The following ERBB4 variants were observed in gnomAD, a reference collection of about 807,000 sequenced individuals.
ERBB4 encodes erb-b2 receptor tyrosine kinase 4.
A neutral mutation model predicts 158.0 loss-of-function variants in ERBB4; 42 were observed. That is an observed-to-expected ratio of 0.27 (90% CI 0.21 to 0.34). The LOEUF (loss-of-function observed/expected upper bound fraction) is 0.34, where lower values mean the gene tolerates loss of function less well. Ranked by LOEUF, ERBB4 falls within the 10% of genes least tolerant of loss-of-function variation. The pLI, the probability that ERBB4 is intolerant of heterozygous loss-of-function variation, is 1.00. For missense variants in ERBB4, 1,333 were observed against 1,624.1 expected, an observed-to-expected ratio of 0.82 and a Z score of 3.08; for synonymous variants, 583 against 558.7, an observed-to-expected ratio of 1.04 and a Z score of -0.61.
At chr2:212,056,371 A>G (rs1276155897) in intron 2 of ERBB4, among the ~76,000 whole-genome samples, 1 of 152,260 alleles carries the variant, frequency 6.6e-6, no homozygotes, top group Non-Finnish European at 1.5e-5. Context: ...ATTATCCAGG[A>G]GAACTTCCCC....
At chr2:212,439,176 C>A (rs1257028182) in intron 1 of ERBB4, among the ~76,000 whole-genome samples, 4 of 152,052 alleles carry the variant, frequency 2.6e-5, no homozygotes, top group Non-Finnish European at 4.4e-5. Context: ...GAGATAGGCT[C>A]AAATTTACAG....
rs546554749 is a variant in ERBB4 at position 211,885,313 on chromosome 2, A to G, written c.421+62117T>C. Among the ~76,000 whole-genome samples the G allele has an allele frequency of 1.2e-4, 19 of 152,308 alleles. 1 individual carries two copies. Among genetic ancestry groups the G allele is most frequent in the African/African-American group, 4.3e-4 (18 of 41,574 alleles). ...AGGCCTGAAAGAAAGTCAATAAATG[A>G]ATCTCTAAAGCTTTACCCAGAAAAG... On this transcript the variant is annotated intron_variant, in intron 3 of 27. Transcript: ENST00000342788.
intron 1 of ERBB4, among the ~76,000 whole-genome samples, chr2:212,256,553 T>C (rs1332565497): frequency 6.6e-6 from 1 of 152,196 alleles, no homozygotes; most frequent in African/African-American, 2.4e-5. Flanking sequence ...GAGGTGGTGT[T>C]ATTAAACATT....
At chr2:212,505,892 T>G (rs1691170000) in intron 1 of ERBB4, among the ~76,000 whole-genome samples, 1 of 148,742 alleles carries the variant, frequency 6.7e-6, no homozygotes, top group Non-Finnish European at 1.5e-5. Flanking sequence ...TAAAATAAAA[T>G]CCCAGATCAA....
chr2:211,938,920 A>G (rs1409213138), intron 3 of ERBB4, among the ~76,000 whole-genome samples: 1 of 152,210 alleles, frequency 6.6e-6, no homozygotes, highest in Non-Finnish European at 1.5e-5. Context: ...ATGTTTGTGC[A>G]TTACAGATAA....
intron 1 of ERBB4, among the ~76,000 whole-genome samples, chr2:212,293,998 A>T (rs1033591714): frequency 9.2e-5 from 14 of 152,062 alleles, no homozygotes; most frequent in African/African-American, 3.4e-4. Flanking sequence ...AGAAAATCAG[A>T]ATCAGAATTG....
intron 20 of ERBB4, among the ~76,000 whole-genome samples, chr2:211,524,432 GTGCTCGTC>G (rs2066281601): frequency 4.7e-5 from 7 of 150,106 alleles, no homozygotes; most frequent in African/African-American, 1.8e-4. Context: ...GCAGGGGGTG[GTGCTCGTC>G]GGGGAGGCTC....
intron 1 of ERBB4, among the ~76,000 whole-genome samples, chr2:212,483,945 C>T (rs1689846505): frequency 2.0e-5 from 3 of 152,092 alleles, no homozygotes. Context: ...ACCGTGTTAG[C>T]CAGCATGGTC....
At chr2:211,968,788 G>T (rs1307500228) in intron 2 of ERBB4, among the ~76,000 whole-genome samples, 11 of 151,774 alleles carry the variant, frequency 7.2e-5, no homozygotes, top group African/African-American at 1.9e-4. Context: ...ATTGGGGACG[G>T]GTTACATTTA....
chr2:212,451,006 G>T (rs1052108652), intron 1 of ERBB4, among the ~76,000 whole-genome samples: 1 of 151,948 alleles, frequency 6.6e-6, no homozygotes, highest in African/African-American at 2.4e-5. Context: ...TGTCACATCC[G>T]TGTAGTCCTG....
At chr2:211,693,283 A>C (rs2106003489) in intron 12 of ERBB4, among the ~76,000 whole-genome samples, 1 of 152,298 alleles carries the variant, frequency 6.6e-6, no homozygotes, top group East Asian at 1.9e-4. Context: ...AAAGTAAATA[A>C]AATTTGATAG....
intron 20 of ERBB4, among the ~76,000 whole-genome samples, chr2:211,527,831 G>A (rs1574676696): frequency 6.6e-6 from 1 of 151,842 alleles, no homozygotes; most frequent in African/African-American, 2.4e-5. Flanking sequence ...AAACTTCATG[G>A]TAACCTCAAA....
Position 211,376,138 on chromosome 2 carries a change from A to G in ERBB4, c.*7477T>C. 2 of 233,168 alleles carry G rather than the reference A, an allele frequency of 8.6e-6. No homozygotes were observed. The highest frequency in any genetic ancestry group is 1.1e-4 in the Admixed American group (2 of 17,764). The allele number at this position is 233,168 out of a possible 1,614,324, so 14.4% of individuals were successfully genotyped here. A position where few individuals can be genotyped will look rare whatever the true frequency, so the allele number is the denominator to read the frequency against. Reference sequence around the variant, plus strand: ...TAACATGGAAAAAAATCAAAATAACATTACACCACACACAATTGGCATATC... The same window carrying G: ...TAACATGGAAAAAAATCAAAATAACGTTACACCACACACAATTGGCATATC... On this transcript the variant is annotated 3_prime_UTR_variant, in exon 28 of 28. Coordinates refer to ENST00000342788, the MANE Select transcript of ERBB4 (RefSeq NM_005235.3).
intron 1 of ERBB4, among the ~76,000 whole-genome samples, chr2:212,380,429 C>A (rs913523331): frequency 6.7e-6 from 1 of 148,578 alleles, no homozygotes; most frequent in Non-Finnish European, 1.5e-5. Flanking sequence ...ATGGATTTAC[C>A]AATACCTCAG....
chr2:212,272,558 G>A (rs1459705521), intron 1 of ERBB4, among the ~76,000 whole-genome samples: 1 of 151,774 alleles, frequency 6.6e-6, no homozygotes, highest in Non-Finnish European at 1.5e-5. Flanking sequence ...CCAGGCTAGA[G>A]GAGAGTCACC....
intron 1 of ERBB4, among the ~76,000 whole-genome samples, chr2:212,342,102 T>C (rs2088749189): frequency 6.6e-6 from 1 of 152,002 alleles, no homozygotes. Context: ...CTACAAAAAG[T>C]AAAAACAACA....
At chr2:211,616,054 C>T (rs1373032480) in intron 19 of ERBB4, among the ~76,000 whole-genome samples, 1 of 152,068 alleles carries the variant, frequency 6.6e-6, no homozygotes, top group Non-Finnish European at 1.5e-5. Flanking sequence ...GAACACTCTA[C>T]CATAGTGTTA....
At chr2:211,417,953 T>C (rs895609404) in intron 25 of ERBB4, among the ~76,000 whole-genome samples, 8 of 152,164 alleles carry the variant, frequency 5.3e-5, no homozygotes, top group Non-Finnish European at 1.0e-4. Context: ...TAAAGTTAAT[T>C]GCCTAACACT....
intron 3 of ERBB4, among the ~76,000 whole-genome samples, chr2:211,872,617 G>C (rs540344263): frequency 1.3e-5 from 2 of 152,140 alleles, no homozygotes; most frequent in South Asian, 4.1e-4. Context: ...CATCAGGTCA[G>C]TATATTTAAA....
Sources: allele counts gnomAD v4.1 joint callset (sites outside exome capture counted in the v4.1 genomes callset), GRCh38; gene constraint gnomAD v4.1.1; transcripts MANE v1.5; gene names NCBI Gene and HGNC (gene_info 2026-07-23, HGNC 2026-07-21).